The following DYNC1I1 variants were observed in gnomAD, a reference collection of about 807,000 sequenced individuals.
DYNC1I1 encodes dynein cytoplasmic 1 intermediate chain 1, also known as cytoplasmic dynein 1 intermediate chain 1.
In DYNC1I1, 43 loss-of-function variants were observed where a neutral mutation model predicts 86.6. That is an observed-to-expected ratio of 0.50 (90% confidence interval 0.39 to 0.64). The LOEUF is 0.64. Among genes scored for constraint, DYNC1I1 ranks in the 30% least tolerant of loss-of-function variants. The probability of loss-of-function intolerance (pLI) is 0.00; values close to 1 mark genes in which losing one functional copy is unlikely to be tolerated. For missense variants in DYNC1I1, 604 were observed against 788.8 expected (o/e 0.77, Z 2.81); for synonymous variants, 262 against 283.7 (o/e 0.92, Z 0.77).
chr7:95,825,202 A>G (rs894845846), intron 4 of DYNC1I1, among the ~76,000 whole-genome samples: 2 of 152,182 alleles, frequency 1.3e-5, no homozygotes, highest in Non-Finnish European at 2.9e-5. Flanking sequence ...TAATCTGTGG[A>G]CTTTTTAAGT....
chr7:95,942,056 C>T (rs991379786), intron 6 of DYNC1I1, among the ~76,000 whole-genome samples: 1 of 152,108 alleles, frequency 6.6e-6, no homozygotes, highest in South Asian at 2.1e-4. Context: ...ACACAAAAAA[C>T]CCTTCAAAGA....
chr7:96,044,711 G>A (rs1789156475), intron 14 of DYNC1I1, among the ~76,000 whole-genome samples: 1 of 152,150 alleles, frequency 6.6e-6, no homozygotes, highest in Admixed American at 6.5e-5. Flanking sequence ...AAGGAAAGCA[G>A]AGCAAACTCT....
At chr7:95,876,151 T>G (rs1270063680) in intron 6 of DYNC1I1, among the ~76,000 whole-genome samples, 2 of 151,138 alleles carry the variant, frequency 1.3e-5, no homozygotes. Context: ...TCAAGAACCC[T>G]GTGCTCATTC....
At chr7:95,883,433 A>C (rs1164025232) in intron 6 of DYNC1I1, among the ~76,000 whole-genome samples, 1 of 152,174 alleles carries the variant, frequency 6.6e-6, no homozygotes, top group Non-Finnish European at 1.5e-5. Flanking sequence ...ATTCTTCTTG[A>C]CTGAATAGAG....
chr7:95,882,724 T>C (rs527712714), intron 6 of DYNC1I1, among the ~76,000 whole-genome samples: 2 of 152,294 alleles, frequency 1.3e-5, no homozygotes, highest in Admixed American at 1.3e-4. Context: ...TGAACATTGG[T>C]GAGGTACAGC....
At chr7:95,978,688 A>G (rs971383435) in intron 7 of DYNC1I1, among the ~76,000 whole-genome samples, 90 of 152,208 alleles carry the variant, frequency 5.9e-4, no homozygotes, top group African/African-American at 1.9e-3. Context: ...GTAGGAATTG[A>G]TACCTACTGA....
rs1168251695 is a variant in DYNC1I1 at position 96,061,706 on chromosome 7, T to A, written c.1510-14351T>A. ...CCCTCCCTCCCTCCCTCTCTCTCTCTCTCTCTCACACACACACACACACAC... is the reference window on the plus strand; with the variant it reads ...CCCTCCCTCCCTCCCTCTCTCTCTCACTCTCTCACACACACACACACACAC... On this transcript the variant is annotated intron_variant, in intron 14 of 16. Transcript: ENST00000447467. Among the ~76,000 whole-genome samples the A allele has an allele frequency of 6.5e-4, 85 of 130,892 alleles. 1 individual carries two copies. Among genetic ancestry groups the A allele is most frequent in the African/African-American group, 2.5e-3 (76 of 30,778 alleles). The allele number at this position is 130,892 out of a possible 152,430, so 85.9% of individuals were successfully genotyped here.
At chr7:95,821,248 C>A (rs1795070025) in intron 4 of DYNC1I1, among the ~76,000 whole-genome samples, 1 of 152,086 alleles carries the variant, frequency 6.6e-6, no homozygotes, top group African/African-American at 2.4e-5. Context: ...CTTCTTACTT[C>A]TAAAGAGCAA....
At chr7:95,968,914 G>A (rs1397082700) in intron 6 of DYNC1I1, among the ~76,000 whole-genome samples, 3 of 150,686 alleles carry the variant, frequency 2.0e-5, no homozygotes, top group Non-Finnish European at 3.0e-5. Flanking sequence ...ATATAGGGCT[G>A]CCAAGGATGG....
chr7:95,990,531 G>T (rs954711763), intron 9 of DYNC1I1, among the ~76,000 whole-genome samples: 5 of 152,030 alleles, frequency 3.3e-5, no homozygotes, highest in Admixed American at 1.3e-4. Flanking sequence ...CGTCTTACTG[G>T]TCTCCCTACT....
At chr7:95,878,958 A>AG (rs1790379643) in intron 6 of DYNC1I1, among the ~76,000 whole-genome samples, 1 of 151,602 alleles carries the variant, frequency 6.6e-6, no homozygotes, top group African/African-American at 2.4e-5. Context: ...GAAGAAAAAA[A>AG]AAAAAACAAC....
intron 6 of DYNC1I1, among the ~76,000 whole-genome samples, chr7:95,960,225 G>C (rs996332328): frequency 2.0e-5 from 3 of 152,118 alleles, no homozygotes; most frequent in Non-Finnish European, 2.9e-5. Flanking sequence ...AACTGCCTCA[G>C]CCTCCCGAGT....
At chr7:95,911,013 A>G (rs1791320237) in intron 6 of DYNC1I1, among the ~76,000 whole-genome samples, 1 of 152,128 alleles carries the variant, frequency 6.6e-6, no homozygotes, top group Non-Finnish European at 1.5e-5. Flanking sequence ...AGCATGGTAA[A>G]AGCTATGCTT....
chr7:95,815,674 C>T (rs1427308119), intron 4 of DYNC1I1, among the ~76,000 whole-genome samples: 1 of 151,968 alleles, frequency 6.6e-6, no homozygotes, highest in Non-Finnish European at 1.5e-5. Context: ...CTTCATAAAA[C>T]AGGAGACTGG....
chr7:95,999,919 A>G (rs1003340937), intron 10 of DYNC1I1, among the ~76,000 whole-genome samples: 3 of 152,202 alleles, frequency 2.0e-5, no homozygotes, highest in Admixed American at 2.0e-4. Flanking sequence ...CTGTAATCCA[A>G]ATCTACAAAA....
At chr7:95,900,567 TCCATGTGGAAAATGGTTGCCC>T (rs1791010689) in intron 6 of DYNC1I1, among the ~76,000 whole-genome samples, 1 of 152,114 alleles carries the variant, frequency 6.6e-6, no homozygotes, top group Non-Finnish European at 1.5e-5. Context: ...GAGTTGGAAA[TCCATGTGGAAAATGGTTGCCC>T]CATGGAAGTT....
At chr7:96,061,743 AACACACAC>A (rs147856984) in intron 14 of DYNC1I1, among the ~76,000 whole-genome samples, 1 of 131,912 alleles carries the variant, frequency 7.6e-6, no homozygotes, top group African/African-American at 2.9e-5. Flanking sequence ...CACGCACACA[AACACACAC>A]ACACACACAC....
chr7:95,952,250 C>A (rs920215722), intron 6 of DYNC1I1, among the ~76,000 whole-genome samples: 1 of 152,012 alleles, frequency 6.6e-6, no homozygotes. Flanking sequence ...ATGATGAAAC[C>A]TTTTCATCCT....
intron 4 of DYNC1I1, among the ~76,000 whole-genome samples, chr7:95,820,480 C>T (rs1486954865): frequency 6.6e-6 from 1 of 152,208 alleles, no homozygotes; most frequent in African/African-American, 2.4e-5. Context: ...AAACTGTTTG[C>T]ACTGGCTGAT....
Sources: allele counts gnomAD v4.1 joint callset (sites outside exome capture counted in the v4.1 genomes callset), GRCh38; gene constraint gnomAD v4.1.1; transcripts MANE v1.5; gene names NCBI Gene and HGNC (gene_info 2026-07-23, HGNC 2026-07-21).